OXCT1: variants seen among roughly 807,000 people sequenced by gnomAD.
The protein encoded by OXCT1 is 3-oxoacid CoA-transferase 1, also known as succinyl-CoA:3-ketoacid coenzyme A transferase 1, mitochondrial.
A neutral mutation model predicts 69.6 loss-of-function variants in OXCT1; 27 were observed. The observed-to-expected ratio is 0.39, with a 90% CI of 0.29 to 0.54. The LOEUF is 0.54. Ranked by LOEUF, OXCT1 falls within the 20% of genes least tolerant of loss-of-function variation. The pLI is 0.72. For synonymous variants in OXCT1, 202 were observed against 217.8 expected, an observed-to-expected ratio of 0.93 and a Z score of 0.64; for missense variants, 437 against 650.2, an observed-to-expected ratio of 0.67 and a Z score of 3.57.
At chr5:41,859,866 T>TATATATATATATATATATATATATGTGTA (rs1749638357) in intron 3 of OXCT1, among the ~76,000 whole-genome samples, 3 of 95,070 alleles carry the variant, frequency 3.2e-5, no homozygotes, top group African/African-American at 1.2e-4. Flanking sequence ...AGTATAGTAA[T>TATATATATATATATATATATATATGTGTA]ATATATATAT....
chr5:41,829,414 T>A (rs1747984072), intron 7 of OXCT1, among the ~76,000 whole-genome samples: 1 of 152,094 alleles, frequency 6.6e-6, no homozygotes, highest in African/African-American at 2.4e-5. Context: ...TCTTTTAGGA[T>A]CTCTATATAA....
rs1743657975 is a variant in OXCT1 at position 41,749,456 on chromosome 5, C to T, written c.1419+71G>A. On this transcript the variant is annotated intron_variant, in intron 15 of 16. Coordinates refer to ENST00000196371, the MANE Select transcript of OXCT1 (RefSeq NM_000436.4). The stretch of plus-strand genomic sequence containing the variant: ...CCTATGACTACTGGTGTAATACACT[C>T]TTAGAAGGTAACAAAACTTTCTAAA... The T allele has an allele frequency of 1.1e-6, 1 of 897,162 alleles. No individual in the cohort carries two copies. The highest frequency in any genetic ancestry group is 2.5e-5 in the East Asian group (1 of 40,240). 55.6% of individuals were successfully genotyped at this position (897,162 alleles called of 1,614,324 possible). A position where few individuals can be genotyped will look rare whatever the true frequency, so the allele number is the denominator to read the frequency against.
chr5:41,762,042 G>T lies in OXCT1; in HGVS notation c.1338+69C>A, dbSNP rs1303837590. On this transcript the variant is annotated intron_variant, in intron 14 of 16. Coordinates refer to ENST00000196371, the MANE Select transcript of OXCT1 (RefSeq NM_000436.4). The surrounding 1 kb of genome is among the most constrained non-coding windows in gnomAD (Gnocchi z 4.0). ...ATAAAATCCACAGTTAGGTGACCTG[G>T]TGGTACACTGGGTTTTGATGTATTG... is the stretch of plus-strand genomic sequence containing the variant. The T allele has an allele frequency of 1.0e-6, 1 of 986,766 alleles. No homozygotes were observed. The highest frequency in any genetic ancestry group is 1.6e-6 in the Non-Finnish European group (1 of 607,062). The allele number at this position is 986,766 out of a possible 1,614,324, so 61.1% of individuals were successfully genotyped here. A position where few individuals can be genotyped will look rare whatever the true frequency, so the allele number is the denominator to read the frequency against.
chr5:41,868,534 T>TA (rs1468961445), intron 1 of OXCT1, among the ~76,000 whole-genome samples: 2 of 152,036 alleles, frequency 1.3e-5, no homozygotes, highest in Non-Finnish European at 2.9e-5. Context: ...CCATCCCAGC[T>TA]AAAACGGTGA....
intron 5 of OXCT1, among the ~76,000 whole-genome samples, chr5:41,845,748 A>G (rs1382743965): frequency 1.3e-5 from 2 of 152,176 alleles, no homozygotes; most frequent in Non-Finnish European, 2.9e-5. Flanking sequence ...CAAGCTATCA[A>G]AGTATTTATC....
At position 41,733,842 on chromosome 5, in the gene OXCT1, C is replaced by T. The variant is rs149521169; in HGVS notation, c.1522-2072G>A. Among the ~76,000 whole-genome samples, 1,275 of 152,272 alleles carry T rather than the reference C, an allele frequency of 8.4e-3. 21 individuals carry two copies. Among genetic ancestry groups the T allele is most frequent in the African/African-American group, 0.029 (1,222 of 41,534 alleles). The stretch of plus-strand genomic sequence containing the variant: ...GTCTCATCAACGTTGTAAATTCATG[C>T]AAGCCAAAGGAGCTTATTCTGCCAA... On this transcript the variant is annotated intron_variant, in intron 16 of 16. Transcript: ENST00000196371.
chr5:41,740,141 G>C (rs1743093497), intron 15 of OXCT1, among the ~76,000 whole-genome samples: 1 of 152,016 alleles, frequency 6.6e-6, no homozygotes. Flanking sequence ...ATAATGATTT[G>C]AACAAAGAAA....
intron 13 of OXCT1, among the ~76,000 whole-genome samples, chr5:41,765,291 A>C (rs1036783310): frequency 1.6e-4 from 24 of 152,098 alleles, no homozygotes; most frequent in African/African-American, 5.6e-4. Flanking sequence ...GCCTACAAAA[A>C]TCTCTTTCAT....
intron 13 of OXCT1, among the ~76,000 whole-genome samples, chr5:41,789,326 C>T (rs921895978): frequency 6.6e-6 from 1 of 152,182 alleles, no homozygotes; most frequent in African/African-American, 2.4e-5. Context: ...ACATGCAACA[C>T]AGTTTGCTGA....
At chr5:41,829,468 C>T (rs1228861711) in intron 7 of OXCT1, among the ~76,000 whole-genome samples, 1 of 152,018 alleles carries the variant, frequency 6.6e-6, no homozygotes. Flanking sequence ...TAATGGCATA[C>T]AAATGACTTG....
At chr5:41,767,714 A>G (rs866690537) in intron 13 of OXCT1, among the ~76,000 whole-genome samples, 9 of 56,174 alleles carry the variant, frequency 1.6e-4, no homozygotes, top group African/African-American at 2.4e-4. Flanking sequence ...TCTAATATAT[A>G]TGTGTGTGTA....
At position 41,749,628 on chromosome 5, in the gene OXCT1, C is replaced by CA. The variant is rs776149012; in HGVS notation, c.1339-22dup. 107 of 1,505,330 alleles carry CA rather than the reference C, an allele frequency of 7.1e-5. 2 individuals carry two copies. The highest frequency in any genetic ancestry group is 9.4e-5 in the Non-Finnish European group (102 of 1,083,530). The allele number at this position is 1,505,330 out of a possible 1,614,324, so 93.2% of individuals were successfully genotyped here. On this transcript the variant is annotated intron_variant, in intron 14 of 16. Transcript: ENST00000196371. ...TTTCCCTGTTTTAAAAAGAAAACAT[C>CA]AAAAAGAGTAGTTAGGGAGCAATTT...
chr5:41,769,884 A>C (rs1744800336), intron 13 of OXCT1, among the ~76,000 whole-genome samples: 1 of 152,144 alleles, frequency 6.6e-6, no homozygotes, highest in South Asian at 2.1e-4. Context: ...TGAGCCTCCC[A>C]AGTAGCTGGG....
intron 13 of OXCT1, among the ~76,000 whole-genome samples, chr5:41,782,241 G>GTC (rs1745443552): frequency 6.7e-6 from 1 of 148,818 alleles, no homozygotes; most frequent in African/African-American, 2.5e-5. Context: ...TTTAAATGGA[G>GTC]TCTTGCTCTG....
At chr5:41,813,610 T>C (rs1455105744) in intron 7 of OXCT1, among the ~76,000 whole-genome samples, 1 of 152,074 alleles carries the variant, frequency 6.6e-6, no homozygotes, top group Non-Finnish European at 1.5e-5. Context: ...GTCAGCATTA[T>C]AGTTAAGGGG....
At chr5:41,808,732 T>C (rs1032200645) in intron 7 of OXCT1, among the ~76,000 whole-genome samples, 5 of 152,056 alleles carry the variant, frequency 3.3e-5, no homozygotes, top group African/African-American at 1.2e-4. Flanking sequence ...CCTTGAAAAC[T>C]CTGTATGCTC....
At chr5:41,759,240 G>C (rs377582781) in intron 14 of OXCT1, among the ~76,000 whole-genome samples, 2 of 151,958 alleles carry the variant, frequency 1.3e-5, no homozygotes, top group East Asian at 3.9e-4. Flanking sequence ...CACTTTCCTG[G>C]ATAAGCTTCT....
intron 13 of OXCT1, among the ~76,000 whole-genome samples, chr5:41,788,039 G>A (rs904860567): frequency 1.3e-5 from 2 of 152,070 alleles, no homozygotes; most frequent in East Asian, 1.9e-4. Flanking sequence ...AAAGATAGTC[G>A]AGTGTTTAGA....
At chr5:41,763,518 T>C (rs1001169820) in intron 13 of OXCT1, among the ~76,000 whole-genome samples, 1 of 152,142 alleles carries the variant, frequency 6.6e-6, no homozygotes, top group Non-Finnish European at 1.5e-5. Context: ...AACATTGATA[T>C]CGTACAAAAT....
Sources: allele counts gnomAD v4.1 joint callset (sites outside exome capture counted in the v4.1 genomes callset), GRCh38; gene constraint gnomAD v4.1.1; non-coding constraint Gnocchi (gnomAD v3.1); transcripts MANE v1.5; gene names NCBI Gene and HGNC (gene_info 2026-07-23, HGNC 2026-07-21).